Variants in LPCAT3 observed in about 807,000 individuals in gnomAD.
LPCAT3 encodes lysophosphatidylcholine acyltransferase 3, also known as lysophospholipid acyltransferase 5.
In LPCAT3, 21 loss-of-function variants were observed where a neutral mutation model predicts 63.4. The observed-to-expected ratio is 0.33, with a 90% CI of 0.23 to 0.48. The LOEUF (loss-of-function observed/expected upper bound fraction) is 0.48. Ranked by LOEUF, LPCAT3 falls within the 20% of genes least tolerant of loss-of-function variation. The probability of loss-of-function intolerance (pLI) is 0.99; values close to 1 mark genes in which losing one functional copy is unlikely to be tolerated. For synonymous variants in LPCAT3, 242 were observed against 227.5 expected (o/e 1.06, Z -0.58); for missense variants, 451 against 590.6 (o/e 0.76, Z 2.45).
intron 1 of LPCAT3, among the ~76,000 whole-genome samples, chr12:6,993,240 C>A (rs1443375897): frequency 6.6e-6 from 1 of 151,996 alleles, no homozygotes; most frequent in Non-Finnish European, 1.5e-5. Flanking sequence ...GAGATCAAGA[C>A]CATCCTGGCC....
chr12:6,979,529 C>T lies in LPCAT3; in HGVS notation c.728G>A (p.Gly243Asp). 1 of 1,614,070 alleles carries T rather than the reference C, an allele frequency of 6.2e-7. No individual in the cohort carries two copies. The change falls in exon 7 of 13, where the codon GGC becomes GAC. Residue 243 changes from glycine (G) to aspartate (D), a missense_variant. This residue lies in a region of LPCAT3 where 304 missense variants were observed against 390.8 expected (regional missense o/e 0.78). Coordinates refer to ENST00000261407, the MANE Select transcript of LPCAT3 (RefSeq NM_005768.6). ...GATGTGGGGGCTGAGCAGTGTGTAG[C>T]CCACTAGGTAGAAAAGGCCCAGACT... ...RLSLGLFYLV[G>D]YTLLSPHITE...
In LPCAT3 at chr12:6,977,798, C is replaced by T. The variant is rs945676661; in HGVS notation, c.1041-53G>A. On this transcript the variant is annotated intron_variant, in intron 9 of 12. Transcript: ENST00000261407. The surrounding 1 kb of genome is among the most constrained non-coding windows in gnomAD (Gnocchi z 4.5). ...CTCAAACTGACTGGTCCTTGCATCC[C>T]GCCACCTGCCTCTGGGTCCTCACCC... The T allele has an allele frequency of 6.1e-5, 98 of 1,604,918 alleles. No homozygotes were observed. The highest frequency in any genetic ancestry group is 3.4e-4 in the Middle Eastern group (2 of 5,926).
chr12:7,000,410 G>GC (rs1361285778), intron 1 of LPCAT3, among the ~76,000 whole-genome samples: 4 of 149,096 alleles, frequency 2.7e-5, no homozygotes, highest in African/African-American at 9.8e-5. Context: ...ACACAGTGAC[G>GC]CCCCGTCTCT....
chr12:7,000,162 C>T (rs998527972), intron 1 of LPCAT3, among the ~76,000 whole-genome samples: 1 of 151,726 alleles, frequency 6.6e-6, no homozygotes, highest in African/African-American at 2.4e-5. Flanking sequence ...TCTGGTGATC[C>T]GCCCGCCTCA....
At chr12:6,988,836 G>C (rs1555155094) in intron 1 of LPCAT3, among the ~76,000 whole-genome samples, 2 of 152,148 alleles carry the variant, frequency 1.3e-5, no homozygotes. Flanking sequence ...AGGTTTGTAA[G>C]AACTTGTTGG....
Position 6,979,507 on chromosome 12 carries a change from G to A in LPCAT3, c.750C>T (p.His250=). 1.2e-6 allele frequency: 2 copies of A among 1,614,012 alleles called. No individual in the cohort carries two copies. Among genetic ancestry groups the A allele is most frequent in the Non-Finnish European group, 1.7e-6 (2 of 1,179,856 alleles). ...YLVGYTLLSP[H]ITEDYLLTED... is the part of the protein sequence containing the mutation. ...CAGTGAGGAGATAGTCTTCTGTGAT[G>A]TGGGGGCTGAGCAGTGTGTAGCCCA... The change falls in exon 7 of 13, where the codon CAC becomes CAT. Residue 250 remains histidine, a synonymous_variant. Transcript: ENST00000261407.
At chr12:7,014,916 T>C (rs80011605) in intron 1 of LPCAT3, among the ~76,000 whole-genome samples, 3 of 142,684 alleles carry the variant, frequency 2.1e-5, no homozygotes, top group Admixed American at 2.1e-4. Context: ...AAAAAAAAAT[T>C]GCAGCCTCTA....
rs895406435 is a variant in LPCAT3, at chr12:7,018,457, G to C, written c.-33C>G. ...CCGGGAGCCCCACAGGGACCCCCCAGCTCCGCGCGCCCCGAATGCGGGCAA... is the reference window on the plus strand; with the variant it reads ...CCGGGAGCCCCACAGGGACCCCCCACCTCCGCGCGCCCCGAATGCGGGCAA... On this transcript the variant is annotated 5_prime_UTR_variant, in exon 1 of 13. Transcript: ENST00000261407. The surrounding 1 kb of genome is among the most constrained non-coding windows in gnomAD (Gnocchi z 4.9). 3 of 1,541,816 alleles carry C rather than the reference G, an allele frequency of 1.9e-6. No individual in the cohort carries two copies. Among genetic ancestry groups the C allele is most frequent in the South Asian group, 1.2e-5 (1 of 82,808 alleles).
At chr12:6,990,028 T>C (rs1296109984) in intron 1 of LPCAT3, among the ~76,000 whole-genome samples, 7 of 149,454 alleles carry the variant, frequency 4.7e-5, no homozygotes, top group Non-Finnish European at 7.4e-5. Flanking sequence ...AAAAAAATAG[T>C]TGGGTGGGGT....
Position 7,018,239 on chromosome 12 carries a change from C to T in LPCAT3, c.151+35G>A, listed in dbSNP as rs782719667. ...ATTCCTCCCCTACTCCCCGGGGACT[C>T]CGCGAGGGGCGGAGGGAGGCAGGAG... On this transcript the variant is annotated intron_variant, in intron 1 of 12. Coordinates refer to ENST00000261407, the MANE Select transcript of LPCAT3 (RefSeq NM_005768.6). This position sits in a 1 kb window ranked among gnomAD's most constrained non-coding sequence, Gnocchi z 4.9. The T allele has an allele frequency of 1.3e-5, 21 of 1,572,198 alleles. No homozygotes were observed. The highest frequency in any genetic ancestry group is 8.2e-5 in the South Asian group (7 of 85,770).
At chr12:6,991,944 C>T (rs1946593683) in intron 1 of LPCAT3, among the ~76,000 whole-genome samples, 1 of 152,064 alleles carries the variant, frequency 6.6e-6, no homozygotes, top group Admixed American at 6.6e-5. Flanking sequence ...CACCTCCCAG[C>T]ACTCTGGGAG....
At chr12:6,990,960 A>T (rs1252973198) in intron 1 of LPCAT3, among the ~76,000 whole-genome samples, 2 of 151,694 alleles carry the variant, frequency 1.3e-5, no homozygotes, top group African/African-American at 4.8e-5. Context: ...AAAAAAAAGT[A>T]AAAGATATGA....
At chr12:6,993,204 C>T (rs139449440) in intron 1 of LPCAT3, among the ~76,000 whole-genome samples, 3 of 151,958 alleles carry the variant, frequency 2.0e-5, no homozygotes, top group Non-Finnish European at 2.9e-5. Flanking sequence ...CTTTGGGAGC[C>T]GGAGGAGGGC....
At chr12:6,978,746 C>T (rs1946437580) in intron 7 of LPCAT3, 57 bp from the exon 8 acceptor site, 1 of 1,596,428 alleles carries the variant, frequency 6.3e-7, no homozygotes, top group East Asian at 2.2e-5. Flanking sequence ...CAGTTTCTCT[C>T]AGCACTCTTC....
intron 2 of LPCAT3, 48 bp from the exon 3 acceptor site, chr12:6,982,830 TCCTGAGACTTCCAATCACAAC>T: frequency 2.5e-6 from 3 of 1,211,862 alleles, no homozygotes; most frequent in South Asian, 2.5e-5. Flanking sequence ...ACTCCCACCG[TCCTGAGACTTCCAATCACAAC>T]GTAATATATA....
chr12:7,013,388 G>A (rs1440063631), intron 1 of LPCAT3, among the ~76,000 whole-genome samples: 1 of 152,232 alleles, frequency 6.6e-6, no homozygotes, highest in Non-Finnish European at 1.5e-5. Flanking sequence ...CACAGGATCG[G>A]ATCACTCTGG....
intron 6 of LPCAT3, among the ~76,000 whole-genome samples, chr12:6,980,489 T>A (rs1946458632): frequency 6.6e-6 from 1 of 152,206 alleles, no homozygotes; most frequent in South Asian, 2.1e-4. Context: ...CTATGTAGCT[T>A]GGACTACAGA....
At chr12:7,000,176 T>A (rs1323929483) in intron 1 of LPCAT3, among the ~76,000 whole-genome samples, 4 of 151,982 alleles carry the variant, frequency 2.6e-5, no homozygotes, top group African/African-American at 9.7e-5. Flanking sequence ...CGCCTCAGAC[T>A]CCCAAAGTGC....
rs1665901417 is a variant in LPCAT3 at position 6,990,726 on chromosome 12, C to A, written c.152-7187G>T. ...TCACTTGAGGTCAGGAGTTTGAGAC[C>A]ATCCTGGCCAACATGGTGAAACCCT... On this transcript the variant is annotated intron_variant, in intron 1 of 12. Coordinates refer to ENST00000261407, the MANE Select transcript of LPCAT3 (RefSeq NM_005768.6). 4.7e-5 allele frequency among the ~76,000 whole-genome samples: 7 copies of A among 150,366 alleles called. No homozygotes were observed. The South Asian group carries it at 1.3e-3, about 27-fold the overall frequency.
Sources: allele counts gnomAD v4.1 joint callset (sites outside exome capture counted in the v4.1 genomes callset), GRCh38; gene constraint gnomAD v4.1.1; regional missense constraint gnomAD v4.1.1; non-coding constraint Gnocchi (gnomAD v3.1); transcripts MANE v1.5; gene names NCBI Gene and HGNC (gene_info 2026-07-23, HGNC 2026-07-21).